The following SDK1 variants were observed in gnomAD, a reference collection of about 807,000 sequenced individuals.
The protein encoded by SDK1 is protein sidekick-1.
A neutral mutation model predicts 245.5 loss-of-function variants in SDK1; 157 were observed. That is an observed-to-expected ratio of 0.64 (90% CI 0.56 to 0.73). SDK1 has a LOEUF of 0.73. Ranked by LOEUF, SDK1 falls within the 30% of genes least tolerant of loss-of-function variation. The pLI is 0.00. For synonymous variants in SDK1, 1,647 were observed against 1,278.5 expected (o/e 1.29, Z -6.15); for missense variants, 3,583 against 3,002.3 (o/e 1.19, Z -4.52).
chr7:4,074,896 ATATATATATATATATATATATTT>A (rs1780541588), intron 20 of SDK1, among the ~76,000 whole-genome samples: 1 of 68,108 alleles, frequency 1.5e-5, no homozygotes, highest in Non-Finnish European at 2.5e-5. Flanking sequence ...GTATATATAT[ATATATATATATATATATATATTT>A]TTTTTTTTTT....
chr7:3,572,080 A>T (rs1020063669), intron 1 of SDK1, among the ~76,000 whole-genome samples: 11 of 152,130 alleles, frequency 7.2e-5, no homozygotes, highest in Non-Finnish European at 1.5e-4. Flanking sequence ...CTTTAAAATA[A>T]GACTTTTACA....
At chr7:3,827,571 AG>A (rs1457731375) in intron 5 of SDK1, among the ~76,000 whole-genome samples, 1 of 152,246 alleles carries the variant, frequency 6.6e-6, no homozygotes, top group Non-Finnish European at 1.5e-5. Flanking sequence ...CTACAAAACG[AG>A]GTGGGACCTA....
At chr7:3,713,696 A>T (rs189722078) in intron 4 of SDK1, among the ~76,000 whole-genome samples, 23 of 152,352 alleles carry the variant, frequency 1.5e-4, no homozygotes, top group Middle Eastern at 3.4e-3. Context: ...ATCACTGATC[A>T]TAGAACCTGG....
chr7:4,216,701 C>G (rs1478273211), intron 38 of SDK1, among the ~76,000 whole-genome samples: 1 of 152,200 alleles, frequency 6.6e-6, no homozygotes, highest in Non-Finnish European at 1.5e-5. Flanking sequence ...TCTGTGGGGT[C>G]TTCTGACCTC....
intron 4 of SDK1, among the ~76,000 whole-genome samples, chr7:3,650,897 C>T (rs978394108): frequency 2.0e-5 from 3 of 149,698 alleles, no homozygotes; most frequent in Non-Finnish European, 4.4e-5. Flanking sequence ...TAGTTGGTTT[C>T]CTGTTGTTGT....
chr7:3,859,889 A>G (rs1583485429), intron 5 of SDK1, among the ~76,000 whole-genome samples: 2 of 152,168 alleles, frequency 1.3e-5, no homozygotes, highest in African/African-American at 4.8e-5. Flanking sequence ...TTTTTAAGAA[A>G]CAAAGTTTTA....
intron 5 of SDK1, among the ~76,000 whole-genome samples, chr7:3,937,167 C>T (rs539338722): frequency 3.3e-5 from 5 of 152,102 alleles, no homozygotes; most frequent in South Asian, 4.2e-4. Flanking sequence ...TTTGGCCATG[C>T]GGAGGTCTAC....
At chr7:3,590,001 G>A (rs1391581647) in intron 1 of SDK1, among the ~76,000 whole-genome samples, 23 of 152,158 alleles carry the variant, frequency 1.5e-4, no homozygotes, top group Admixed American at 1.5e-3. Flanking sequence ...CTCTTTACAG[G>A]GTGCTAGGCC....
intron 44 of SDK1, among the ~76,000 whole-genome samples, chr7:4,246,037 G>A (rs546823987): frequency 1.3e-5 from 2 of 152,318 alleles, no homozygotes; most frequent in African/African-American, 2.4e-5. Context: ...ACATTCCAAG[G>A]CTGATTCATG....
chr7:3,915,852 T>C (rs1022698314), intron 5 of SDK1, among the ~76,000 whole-genome samples: 1 of 152,230 alleles, frequency 6.6e-6, no homozygotes, highest in African/African-American at 2.4e-5. Flanking sequence ...GGCCACGTTT[T>C]GGATAACTTT....
chr7:4,107,172 G>A (rs1782986431), intron 22 of SDK1, among the ~76,000 whole-genome samples: 2 of 150,748 alleles, frequency 1.3e-5, no homozygotes, highest in Admixed American at 1.3e-4. Context: ...GGGGCTGCAG[G>A]GGCCAACCAG....
At chr7:3,955,560 C>T (rs1429417223) in intron 7 of SDK1, among the ~76,000 whole-genome samples, 1 of 152,184 alleles carries the variant, frequency 6.6e-6, no homozygotes, top group African/African-American at 2.4e-5. Context: ...CTGTCCACCT[C>T]GGTGGACTAG....
chr7:3,693,007 A>G (rs1784477151), intron 4 of SDK1, among the ~76,000 whole-genome samples: 1 of 152,000 alleles, frequency 6.6e-6, no homozygotes, highest in Admixed American at 6.6e-5. Flanking sequence ...TTCTGTTGAG[A>G]TGATAGCCTT....
At position 3,388,587 on chromosome 7, in the gene SDK1, T is replaced by TA. The variant is rs199904852; in HGVS notation, c.298+86704dup. Among the ~76,000 whole-genome samples, 1,287 of 151,518 alleles carry TA rather than the reference T, an allele frequency of 8.5e-3. 18 individuals are homozygous for TA. Among genetic ancestry groups the TA allele is most frequent in the African/African-American group, 0.03 (1,222 of 40,822 alleles). ...ATTTCTCAAATATTAACTTTGATGA[T>TA]ATAATACTCACCACATAAGTAGTAG... On this transcript the variant is annotated intron_variant, in intron 1 of 44. Coordinates refer to ENST00000404826, the MANE Select transcript of SDK1 (RefSeq NM_152744.4).
intron 4 of SDK1, among the ~76,000 whole-genome samples, chr7:3,647,261 A>G (rs1057089031): frequency 2.0e-5 from 3 of 152,152 alleles, no homozygotes; most frequent in Non-Finnish European, 4.4e-5. Context: ...TATTTTTTAA[A>G]TTATATTTTA....
intron 1 of SDK1, among the ~76,000 whole-genome samples, chr7:3,435,197 A>T (rs562398078): frequency 6.6e-6 from 1 of 150,990 alleles, no homozygotes; most frequent in Non-Finnish European, 1.5e-5. Flanking sequence ...CTCATTATTT[A>T]TGGAAGATAG....
chr7:3,982,770 G>T (rs1214762394), intron 13 of SDK1, among the ~76,000 whole-genome samples: 1 of 152,078 alleles, frequency 6.6e-6, no homozygotes, highest in Non-Finnish European at 1.5e-5. Context: ...AACCCAGGAG[G>T]CGGAGCTTGC....
chr7:4,252,153 C>T (rs922294208), intron 44 of SDK1, among the ~76,000 whole-genome samples: 7 of 151,998 alleles, frequency 4.6e-5, no homozygotes, highest in African/African-American at 1.5e-4. Flanking sequence ...GTGTGCTGCA[C>T]CCATTAACTT....
intron 44 of SDK1, among the ~76,000 whole-genome samples, chr7:4,250,313 T>C (rs1787209540): frequency 6.6e-6 from 1 of 152,168 alleles, no homozygotes; most frequent in South Asian, 2.1e-4. Flanking sequence ...AAACATGTTG[T>C]ATTTTGCCCA....
Sources: gnomAD v4.1 joint callset for allele counts (sites outside exome capture counted in the v4.1 genomes callset) on GRCh38, gnomAD v4.1.1 for gene constraint, MANE v1.5 for transcripts, NCBI Gene and HGNC (gene_info 2026-07-23, HGNC 2026-07-21) for gene names.